Variants in CNTNAP2 observed in about 807,000 individuals in gnomAD.
CNTNAP2 encodes the protein contactin associated protein 2.
A neutral mutation model predicts 155.2 loss-of-function variants in CNTNAP2; 98 were observed. The observed-to-expected ratio is 0.63, with a 90% confidence interval of 0.54 to 0.75. The LOEUF (loss-of-function observed/expected upper bound fraction) is 0.75. Ranked by LOEUF, CNTNAP2 falls within the 30% of genes least tolerant of loss-of-function variation. The pLI is 0.00. For missense variants in CNTNAP2, 1,727 were observed against 1,688.1 expected, an observed-to-expected ratio of 1.02 and a Z score of -0.40; for synonymous variants, 651 against 631.2, an observed-to-expected ratio of 1.03 and a Z score of -0.47.
At chr7:146,198,126 G>A (rs1215941333) in intron 1 of CNTNAP2, among the ~76,000 whole-genome samples, 1 of 152,086 alleles carries the variant, frequency 6.6e-6, no homozygotes. Context: ...CACATGTGGG[G>A]ATGACAATTC....
chr7:148,318,218 T>C (rs780562265), intron 21 of CNTNAP2, among the ~76,000 whole-genome samples: 6 of 152,198 alleles, frequency 3.9e-5, no homozygotes, highest in African/African-American at 1.4e-4. Context: ...GAAAGATACC[T>C]GAGCTAGTTG....
At chr7:147,089,132 A>G (rs1200144380) in intron 4 of CNTNAP2, among the ~76,000 whole-genome samples, 1 of 152,196 alleles carries the variant, frequency 6.6e-6, no homozygotes, top group Non-Finnish European at 1.5e-5. Context: ...TTTGTTTTCT[A>G]CCACTGTCAC....
chr7:147,742,694 T>G (rs1229686066), intron 13 of CNTNAP2, among the ~76,000 whole-genome samples: 1 of 152,234 alleles, frequency 6.6e-6, no homozygotes, highest in African/African-American at 2.4e-5. Context: ...CTAAGAATTC[T>G]ACGTATCTTT....
chr7:148,120,174 C>T (rs1804569275), intron 16 of CNTNAP2, among the ~76,000 whole-genome samples: 1 of 148,026 alleles, frequency 6.8e-6, no homozygotes, highest in African/African-American at 2.5e-5. Flanking sequence ...TTTGTAAAGC[C>T]ACGCCTGGGT....
chr7:146,819,304 C>G (rs866354120), intron 2 of CNTNAP2, among the ~76,000 whole-genome samples: 9 of 152,182 alleles, frequency 5.9e-5, no homozygotes, highest in Middle Eastern at 3.4e-3. Context: ...GATTCCATGA[C>G]TGGGAAATTG....
intron 14 of CNTNAP2, among the ~76,000 whole-genome samples, chr7:147,938,732 CAT>C (rs1292348908): frequency 2.0e-5 from 3 of 152,136 alleles, no homozygotes; most frequent in Admixed American, 1.3e-4. Flanking sequence ...AAGTAGGTCT[CAT>C]GTGAATCTGC....
intron 22 of CNTNAP2, among the ~76,000 whole-genome samples, chr7:148,409,168 A>C (rs1034935039): frequency 2.0e-5 from 3 of 152,156 alleles, no homozygotes; most frequent in Non-Finnish European, 2.9e-5. Context: ...TCCAAGTGGG[A>C]AGTCGTGTTT....
At chr7:148,080,619 AAAAAG>A (rs1158251793) in intron 15 of CNTNAP2, among the ~76,000 whole-genome samples, 14 of 150,216 alleles carry the variant, frequency 9.3e-5, no homozygotes, top group Non-Finnish European at 1.9e-4. Flanking sequence ...AAAAAAAAAA[AAAAAG>A]AAAAGAAAAG....
rs146852556 is a variant in CNTNAP2 at position 147,138,383 on chromosome 7, A to T, written c.1348+5874A>T. Reference sequence around the variant, plus strand: ...TAAGATACCCTTGGACATATCTAAAACATATTTTGCTGATTTTATTCCCTG... The same window carrying T: ...TAAGATACCCTTGGACATATCTAAATCATATTTTGCTGATTTTATTCCCTG... On this transcript the variant is annotated intron_variant, in intron 8 of 23. Coordinates refer to ENST00000361727, the MANE Select transcript of CNTNAP2 (RefSeq NM_014141.6). 1.1e-4 allele frequency among the ~76,000 whole-genome samples: 16 copies of T among 152,118 alleles called. No homozygotes were observed. The East Asian group carries it at 3.1e-3, about 29-fold the overall frequency.
intron 8 of CNTNAP2, among the ~76,000 whole-genome samples, chr7:147,263,385 A>AAG (rs1804536990): frequency 6.6e-6 from 1 of 151,748 alleles, no homozygotes; most frequent in Admixed American, 6.6e-5. Context: ...ATTAAAAAAA[A>AAG]AAAGTCACTT....
chr7:146,874,839 CAG>C (rs1585132955), intron 3 of CNTNAP2, among the ~76,000 whole-genome samples: 1 of 152,156 alleles, frequency 6.6e-6, no homozygotes, highest in South Asian at 2.1e-4. Context: ...AGAATTATTT[CAG>C]AGTCTTATCA....
intron 13 of CNTNAP2, among the ~76,000 whole-genome samples, chr7:147,684,862 C>G (rs1795994813): frequency 1.3e-5 from 2 of 151,796 alleles, no homozygotes; most frequent in South Asian, 4.1e-4. Flanking sequence ...GAAATTAAAA[C>G]TCATATCTTA....
At chr7:147,068,622 G>A (rs59280404) in intron 4 of CNTNAP2, among the ~76,000 whole-genome samples, 12,420 of 152,192 alleles carry the variant, frequency 0.082, 1,370 homozygotes, top group African/African-American at 0.25. Flanking sequence ...CTCCCAAAGT[G>A]CTGGAACTAC....
At chr7:147,930,242 A>T (rs907234742) in intron 14 of CNTNAP2, among the ~76,000 whole-genome samples, 7 of 152,176 alleles carry the variant, frequency 4.6e-5, no homozygotes, top group African/African-American at 1.4e-4. Context: ...ACCTTAAATG[A>T]AAATAGACTA....
At chr7:147,453,737 A>T (rs956314196) in intron 10 of CNTNAP2, among the ~76,000 whole-genome samples, 2 of 152,186 alleles carry the variant, frequency 1.3e-5, no homozygotes, top group East Asian at 3.8e-4. Flanking sequence ...CTCCCATGAC[A>T]CAAGTTTATC....
intron 12 of CNTNAP2, among the ~76,000 whole-genome samples, chr7:147,612,832 A>G (rs1801213007): frequency 1.3e-5 from 2 of 152,108 alleles, no homozygotes; most frequent in African/African-American, 2.4e-5. Context: ...TTTCTACTCA[A>G]TGTTCTGATT....
chr7:147,054,077 C>G (rs1799517187), intron 4 of CNTNAP2, among the ~76,000 whole-genome samples: 1 of 152,092 alleles, frequency 6.6e-6, no homozygotes, highest in East Asian at 1.9e-4. Context: ...CATTTAATAC[C>G]TCTCTCCTCT....
chr7:147,176,556 T>A (rs1482212756), intron 8 of CNTNAP2, among the ~76,000 whole-genome samples: 1 of 149,120 alleles, frequency 6.7e-6, no homozygotes, highest in Non-Finnish European at 1.5e-5. Context: ...CCAGAATGCC[T>A]TTTACTAGTT....
chr7:147,023,721 A>G (rs1798854197), intron 3 of CNTNAP2, among the ~76,000 whole-genome samples: 1 of 152,212 alleles, frequency 6.6e-6, no homozygotes, highest in Admixed American at 6.5e-5. Flanking sequence ...ACTTCTAGGC[A>G]TCTGCCCTCC....
Sources: gnomAD v4.1 joint callset for allele counts (sites outside exome capture counted in the v4.1 genomes callset) on GRCh38, gnomAD v4.1.1 for gene constraint, MANE v1.5 for transcripts, NCBI Gene and HGNC (gene_info 2026-07-23, HGNC 2026-07-21) for gene names.